Variants in ZNF512 observed in about 807,000 individuals in gnomAD.
ZNF512 encodes the protein zinc finger protein 512.
In ZNF512, 25 loss-of-function variants were observed where a neutral mutation model predicts 77.5. The observed-to-expected ratio is 0.32, with a 90% CI of 0.23 to 0.45. The LOEUF is 0.45. ZNF512 is among the 20% of genes least tolerant of loss of function. The pLI is 1.00. For missense variants in ZNF512, 483 were observed against 692.6 expected (o/e 0.70, Z 3.40); for synonymous variants, 246 against 239.9 (o/e 1.03, Z -0.24).
At chr2:27,587,596 C>T (rs2148001217) in intron 2 of ZNF512, among the ~76,000 whole-genome samples, 1 of 151,392 alleles carries the variant, frequency 6.6e-6, no homozygotes, top group South Asian at 2.1e-4. Flanking sequence ...GTTTTTAATT[C>T]ATCATATATG....
intron 10 of ZNF512, among the ~76,000 whole-genome samples, chr2:27,609,985 G>A (rs1196120908): frequency 1.3e-5 from 2 of 151,994 alleles, no homozygotes; most frequent in African/African-American, 4.8e-5. Flanking sequence ...AGGTTGCAGT[G>A]AGCCAAGATC....
chr2:27,584,781 C>T (rs1229133030), intron 2 of ZNF512, among the ~76,000 whole-genome samples: 1 of 152,098 alleles, frequency 6.6e-6, no homozygotes, highest in Non-Finnish European at 1.5e-5. Context: ...GTAAGTAGTT[C>T]TGTATGTCTG....
At chr2:27,619,302 C>A (rs1324892521) in intron 13 of ZNF512, among the ~76,000 whole-genome samples, 1 of 151,980 alleles carries the variant, frequency 6.6e-6, no homozygotes, top group Non-Finnish European at 1.5e-5. Context: ...ACTTGGGAGG[C>A]TGAGGCAGGA....
At chr2:27,583,400 GTCTTT>G (rs959877902) in intron 1 of ZNF512, 1 of 1,425,284 alleles carries the variant, frequency 7.0e-7, no homozygotes, top group East Asian at 2.5e-5. Flanking sequence ...CATATCCGTT[GTCTTT>G]TCTTTTGGCC....
intron 10 of ZNF512, among the ~76,000 whole-genome samples, chr2:27,608,574 G>T (rs1672469226): frequency 6.6e-6 from 1 of 152,006 alleles, no homozygotes; most frequent in Admixed American, 6.6e-5. Context: ...CTTCTGAGGG[G>T]TGCAGAACCT....
rs1383027883 is a variant in ZNF512 at position 27,608,044 on chromosome 2, G to T, written c.1131+5G>T. 6.5e-7 allele frequency: 1 copy of T among 1,549,880 alleles called. No homozygotes were observed. Among genetic ancestry groups the T allele is most frequent in the East Asian group, 2.3e-5 (1 of 44,280 alleles). On this transcript the variant is annotated splice_donor_5th_base_variant and intron_variant, in intron 10 of 13. Transcript: ENST00000355467. ...CTGGTACCTGATGATCGAAAGGTAA[G>T]GCAGAAACATGTATCAATTTGGGAA...
Position 27,584,034 on chromosome 2 carries a change from G to A in ZNF512, c.89+318G>A, listed in dbSNP as rs146979159. Among the ~76,000 whole-genome samples the A allele has an allele frequency of 5.1e-3, 783 of 152,310 alleles. 12 individuals are homozygous for A. Among genetic ancestry groups the A allele is most frequent in the African/African-American group, 0.018 (741 of 41,554 alleles). On this transcript the variant is annotated intron_variant, in intron 2 of 13. Coordinates refer to ENST00000355467, the MANE Select transcript of ZNF512 (RefSeq NM_032434.4). ...TAGCTACTAGCCCCGTACGCCTTTT[G>A]AGCGCTTGAAATGTGGCTAGTGCGA...
In ZNF512 at chr2:27,622,362, G is replaced by C. The variant is rs1673155591; in HGVS notation, c.*901G>C. 1 of 152,734 alleles carries C rather than the reference G, an allele frequency of 6.5e-6. No individual in the cohort carries two copies. The highest frequency in any genetic ancestry group is 2.1e-4 in the South Asian group (1 of 4,824). The allele number at this position is 152,734 out of a possible 1,614,324, so 9.5% of individuals were successfully genotyped here. A position where few individuals can be genotyped will look rare whatever the true frequency, so the allele number is the denominator to read the frequency against. The stretch of plus-strand genomic sequence containing the variant: ...GGTAGTGCCACTAAGGGAAAACCAA[G>C]GTGCGCATTCCTTCTCCCTGGACTT... On this transcript the variant is annotated 3_prime_UTR_variant, in exon 14 of 14. Coordinates refer to ENST00000355467, the MANE Select transcript of ZNF512 (RefSeq NM_032434.4).
chr2:27,591,388 T>C (rs917010943), intron 2 of ZNF512, among the ~76,000 whole-genome samples: 4 of 152,182 alleles, frequency 2.6e-5, no homozygotes, highest in Non-Finnish European at 5.9e-5. Flanking sequence ...TTTTAGTTAT[T>C]TAAAAATGTA....
chr2:27,602,894 C>G (rs371738244), intron 8 of ZNF512, among the ~76,000 whole-genome samples: 22 of 152,130 alleles, frequency 1.4e-4, no homozygotes, highest in East Asian at 1.9e-4. Context: ...AAAGCTCTGA[C>G]ATAGAGTAGA....
At chr2:27,602,189 A>G (rs1262298306) in intron 7 of ZNF512, among the ~76,000 whole-genome samples, 1 of 152,260 alleles carries the variant, frequency 6.6e-6, no homozygotes, top group Non-Finnish European at 1.5e-5. Context: ...GTTATGCACA[A>G]TGAAACCTTT....
Position 27,595,885 on chromosome 2 carries a change from CT to C in ZNF512, c.90-2180del, listed in dbSNP as rs369174391. Among the ~76,000 whole-genome samples, 236 of 152,214 alleles carry C rather than the reference CT, an allele frequency of 1.6e-3. 2 individuals carry two copies. Among genetic ancestry groups the C allele is most frequent in the African/African-American group, 5.5e-3 (227 of 41,536 alleles). On this transcript the variant is annotated intron_variant, in intron 2 of 13. Coordinates refer to ENST00000355467, the MANE Select transcript of ZNF512 (RefSeq NM_032434.4). ...TTGATAGTCCCAAAATCTGGATCAC[CT>C]TGTGGCTGGCATGTTTTGGTCATTT... is the stretch of plus-strand genomic sequence containing the variant.
intron 3 of ZNF512, 22 bp downstream of exon 3, chr2:27,598,276 T>A: frequency 6.3e-7 from 1 of 1,596,238 alleles, no homozygotes; most frequent in African/African-American, 1.3e-5. Context: ...AGTGTCTTAT[T>A]CTGAAGACGG....
chr2:27,592,156 A>AT (rs1414152897), intron 2 of ZNF512, among the ~76,000 whole-genome samples: 1 of 150,174 alleles, frequency 6.7e-6, no homozygotes, highest in Non-Finnish European at 1.5e-5. Flanking sequence ...CACCTGGCTA[A>AT]TTTTTTGTAT....
chr2:27,615,107 T>G, intron 10 of ZNF512, 61 bp from the exon 11 acceptor site: 1 of 984,866 alleles, frequency 1.0e-6, no homozygotes, highest in African/African-American at 1.6e-5. Context: ...GTGTGAAACT[T>G]TTGGGATATT....
chr2:27,601,838 G>A (rs1672126940), intron 7 of ZNF512, among the ~76,000 whole-genome samples: 1 of 152,172 alleles, frequency 6.6e-6, no homozygotes, highest in Admixed American at 6.5e-5. Context: ...AGTAGAGATG[G>A]CAGTTTCTCC....
intron 9 of ZNF512, among the ~76,000 whole-genome samples, chr2:27,604,883 G>A (rs532806247): frequency 3.3e-5 from 5 of 152,152 alleles, no homozygotes; most frequent in Non-Finnish European, 7.3e-5. Context: ...GGCAACCACT[G>A]ATTTATTTTC....
intron 10 of ZNF512, 150 bp downstream of exon 10, chr2:27,608,189 G>A (rs992713239): frequency 5.5e-6 from 4 of 723,986 alleles, no homozygotes; most frequent in East Asian, 6.5e-5. Context: ...ATCTAGCTTC[G>A]GTGTTTGGAT....
At chr2:27,590,996 C>A (rs1024837681) in intron 2 of ZNF512, among the ~76,000 whole-genome samples, 3 of 152,210 alleles carry the variant, frequency 2.0e-5, no homozygotes, top group Admixed American at 1.3e-4. Context: ...TCTGAGTTGA[C>A]AAATTTTTTC....
Sources: gnomAD v4.1 joint callset for allele counts (sites outside exome capture counted in the v4.1 genomes callset) on GRCh38, gnomAD v4.1.1 for gene constraint, MANE v1.5 for transcripts, NCBI Gene and HGNC (gene_info 2026-07-23, HGNC 2026-07-21) for gene names.